The following VWF variants were observed in gnomAD, a reference collection of about 807,000 sequenced individuals.
VWF encodes the protein von Willebrand factor, also known as Factor VIII related antigen.
Under a neutral mutation model 308.6 loss-of-function variants are expected in VWF, and 176 were observed. That is an observed-to-expected ratio of 0.57 (90% CI 0.50 to 0.65). The LOEUF is 0.65. Ranked by LOEUF, VWF falls within the 30% of genes least tolerant of loss-of-function variation. VWF has a pLI of 0.00. For synonymous variants in VWF, 1,385 were observed against 1,443.4 expected (o/e 0.96, Z 0.92); for missense variants, 3,146 against 3,648.2 (o/e 0.86, Z 3.55).
In VWF at chr12:6,063,296, C is replaced by A. The variant is rs1307150293; in HGVS notation, c.1433-242G>T. Among the ~76,000 whole-genome samples the A allele has an allele frequency of 1.3e-5, 2 of 152,102 alleles. No homozygotes were observed. Among genetic ancestry groups the A allele is most frequent in the Non-Finnish European group, 2.9e-5 (2 of 68,020 alleles). On this transcript the variant is annotated intron_variant, in intron 12 of 51. Transcript: ENST00000261405. The surrounding 1 kb of genome is among the most constrained non-coding windows in gnomAD (Gnocchi z 4.9). ...CCTCTGCACCCCCCGCTATGACCTG[C>A]CATTCCCCCTACTGCCACAGGAGGG...
chr12:6,058,416 C>G lies in VWF; in HGVS notation c.1534-372G>C, dbSNP rs1012559318. ...GGCAGGTTGAGCCCAGCCCGAAGCA[C>G]TCTGCCCTCTGTGCCATCCACACCA... On this transcript the variant is annotated intron_variant, in intron 13 of 51. Transcript: ENST00000261405. This position sits in a 1 kb window ranked among gnomAD's most constrained non-coding sequence, Gnocchi z 4.9. 6.6e-6 allele frequency among the ~76,000 whole-genome samples: 1 copy of G among 152,198 alleles called. No individual in the cohort carries two copies. Among genetic ancestry groups the G allele is most frequent in the Admixed American group, 6.5e-5 (1 of 15,282 alleles).
rs1944119586 is a variant in VWF, at chr12:6,020,647, G to A, written c.3675-904C>T. ...GGTGAAATCAAGTGACCGTGTGGTGGAGACCAATATGGGCCAGGACCATCT... is the reference window on the plus strand; with the variant it reads ...GGTGAAATCAAGTGACCGTGTGGTGAAGACCAATATGGGCCAGGACCATCT... On this transcript the variant is annotated intron_variant, in intron 27 of 51. Coordinates refer to ENST00000261405, the MANE Select transcript of VWF (RefSeq NM_000552.5). The surrounding 1 kb of genome is among the most constrained non-coding windows in gnomAD (Gnocchi z 4.3). Among the ~76,000 whole-genome samples the A allele has an allele frequency of 6.6e-6, 1 of 152,264 alleles. No individual in the cohort carries two copies. The highest frequency in any genetic ancestry group is 6.5e-5 in the Admixed American group (1 of 15,292).
At chr12:5,974,712 T>G (rs1434561554) in intron 43 of VWF, among the ~76,000 whole-genome samples, 1 of 152,200 alleles carries the variant, frequency 6.6e-6, no homozygotes, top group Admixed American at 6.5e-5. Context: ...AAAGCAAAAC[T>G]TCTGCACAGA....
rs146540001 is a variant in VWF at position 6,013,560 on chromosome 12, G to A, written c.5541C>T (p.Asn1847=). The A allele has an allele frequency of 1.8e-5, 29 of 1,613,944 alleles. No homozygotes were observed. In the Middle Eastern group the frequency reaches 2.0e-3, roughly 110 times the overall value. ...CTTCGATTCGCTGGAGCTTCACCAC[G>A]TTGGAGTCGCCTGCTGGGCCTGCCA... ...RILAGPAGDS[N]VVKLQRIEDL... is the part of the protein sequence containing the mutation. Residue 1847 remains asparagine, a synonymous_variant, in exon 32 of 52, where the codon AAC becomes AAT. Transcript: ENST00000261405.
intron 6 of VWF, among the ~76,000 whole-genome samples, chr12:6,077,920 G>A (rs984900541): frequency 6.6e-6 from 1 of 152,144 alleles, no homozygotes; most frequent in Admixed American, 6.5e-5. Flanking sequence ...GAGCTAAGCT[G>A]TTTACTCAAC....
intron 6 of VWF, among the ~76,000 whole-genome samples, chr12:6,090,727 G>A (rs1412915195): frequency 6.6e-6 from 1 of 151,914 alleles, no homozygotes; most frequent in Non-Finnish European, 1.5e-5. Context: ...TACCTTTTCA[G>A]TGACCCAGCA....
intron 3 of VWF, among the ~76,000 whole-genome samples, chr12:6,115,452 G>C (rs934777106): frequency 6.6e-6 from 1 of 152,120 alleles, no homozygotes. Context: ...AGAAAGCACA[G>C]TAAAAACACA....
Position 6,018,583 on chromosome 12 carries a change from G to A in VWF, c.4835C>T (p.Ala1612Val), listed in dbSNP as rs771480690. ...AGGCAGCCTCTTGATCTCATCAGAG[G>A]CAGGATTTCCGGTGACCATGTAGAC... Reference protein sequence around the residue: ...NLVYMVTGNPASDEIKRLPGD... With the variant: ...NLVYMVTGNPVSDEIKRLPGD... Residue 1612 changes from alanine (A) to valine (V), a missense_variant, in exon 28 of 52, where the codon GCC becomes GTC. Physicochemically the swap from Ala to Val is moderately conservative, Grantham distance 64. Around this residue, in one of 3 missense-constraint regions of VWF, gnomAD observed 853 missense variants for 1,177.8 expected, o/e 0.72. Coordinates refer to ENST00000261405, the MANE Select transcript of VWF (RefSeq NM_000552.5). The A allele has an allele frequency of 6.2e-7, 1 of 1,614,114 alleles. No individual in the cohort carries two copies. The highest frequency in any genetic ancestry group is 1.7e-5 in the Admixed American group (1 of 60,026).
At chr12:6,072,810 G>A (rs986341554) in intron 8 of VWF, among the ~76,000 whole-genome samples, 2 of 151,694 alleles carry the variant, frequency 1.3e-5, no homozygotes, top group African/African-American at 4.8e-5. Context: ...CAAGAGTTTT[G>A]TTCAAGTTCT....
chr12:6,120,140 C>A (rs1945414619), intron 3 of VWF, among the ~76,000 whole-genome samples: 1 of 152,178 alleles, frequency 6.6e-6, no homozygotes, highest in African/African-American at 2.4e-5. Context: ...TCAGTCCCCG[C>A]TGACTGATGG....
At chr12:6,043,022 C>T (rs1944411097) in intron 18 of VWF, among the ~76,000 whole-genome samples, 1 of 152,138 alleles carries the variant, frequency 6.6e-6, no homozygotes, top group African/African-American at 2.4e-5. Flanking sequence ...TTTGTTCCTA[C>T]CCAGGTCTGA....
intron 18 of VWF, among the ~76,000 whole-genome samples, chr12:6,040,506 C>G (rs1944385320): frequency 6.6e-6 from 1 of 152,158 alleles, no homozygotes; most frequent in Admixed American, 6.5e-5. Context: ...GCTCGCTGCT[C>G]TCATCTCCAG....
intron 14 of VWF, among the ~76,000 whole-genome samples, chr12:6,057,313 T>TC (rs1204432300): frequency 7.1e-6 from 1 of 141,250 alleles, no homozygotes; most frequent in East Asian, 2.0e-4. Context: ...ACTATGGAAT[T>TC]TTTTTTTTTT....
At chr12:6,035,195 T>G (rs1280270334) in intron 19 of VWF, among the ~76,000 whole-genome samples, 1 of 152,206 alleles carries the variant, frequency 6.6e-6, no homozygotes, top group East Asian at 1.9e-4. Flanking sequence ...ACAGGGTGTC[T>G]GTAAAACAGA....
intron 6 of VWF, among the ~76,000 whole-genome samples, chr12:6,083,213 T>C (rs1332793640): frequency 2.9e-5 from 3 of 104,952 alleles, no homozygotes; most frequent in Admixed American, 1.0e-4. Context: ...GATGGGGTTT[T>C]GCCATGTTGG....
intron 26 of VWF, 111 bp from the exon 27 acceptor site, chr12:6,022,146 C>T (rs142074458): frequency 1.4e-6 from 2 of 1,459,562 alleles, no homozygotes; most frequent in East Asian, 4.6e-5. Flanking sequence ...TAGAAGCCAA[C>T]TCCTCCTGCC....
At chr12:6,082,828 G>A (rs1481265153) in intron 6 of VWF, among the ~76,000 whole-genome samples, 3 of 152,186 alleles carry the variant, frequency 2.0e-5, no homozygotes, top group African/African-American at 7.2e-5. Flanking sequence ...TTTGTCTCAG[G>A]TTTTTCTTTT....
chr12:5,986,841 T>TGCCTG (rs1236126093), intron 38 of VWF, among the ~76,000 whole-genome samples: 4 of 152,240 alleles, frequency 2.6e-5, no homozygotes, highest in African/African-American at 7.2e-5. Context: ...CCTGCTAGGT[T>TGCCTG]CCCACAGGCA....
intron 38 of VWF, among the ~76,000 whole-genome samples, chr12:5,986,164 C>G (rs74902216): frequency 1.3e-5 from 2 of 152,154 alleles, no homozygotes; most frequent in African/African-American, 4.8e-5. Context: ...AAATGGGAGA[C>G]GGCCCAGGGC....
Sources: gnomAD v4.1 joint callset for allele counts (sites outside exome capture counted in the v4.1 genomes callset) on GRCh38, gnomAD v4.1.1 for gene constraint, gnomAD v4.1.1 regional missense constraint, Gnocchi (gnomAD v3.1) non-coding constraint, MANE v1.5 for transcripts, NCBI Gene and HGNC (gene_info 2026-07-23, HGNC 2026-07-21) for gene names.